MYOC: variants seen among roughly 807,000 people sequenced by gnomAD.
The protein encoded by MYOC is myocilin.
A neutral mutation model predicts 28.2 loss-of-function variants in MYOC; 29 were observed. The observed-to-expected ratio is 1.03, with a 90% CI of 0.77 to 1.40. The LOEUF is 1.40. Among genes scored for constraint, MYOC ranks in the 40% most tolerant of loss-of-function variants. MYOC has a pLI of 0.00. For missense variants in MYOC, 569 were observed against 620.6 expected (o/e 0.92, Z 0.88); for synonymous variants, 240 against 245.6 (o/e 0.98, Z 0.21).
chr1:171,646,236 T>C (rs1653198675), intron 1 of MYOC, among the ~76,000 whole-genome samples: 1 of 152,198 alleles, frequency 6.6e-6, no homozygotes, highest in Non-Finnish European at 1.5e-5. Flanking sequence ...GTCCCAGCTG[T>C]GTGACTTTGG....
chr1:171,643,000 C>A (rs1282124856), intron 1 of MYOC, among the ~76,000 whole-genome samples: 1 of 152,014 alleles, frequency 6.6e-6, no homozygotes, highest in Non-Finnish European at 1.5e-5. Context: ...GCTGCGGAAA[C>A]CAGTTTCTTG....
At chr1:171,647,879 T>A (rs1353506968) in intron 1 of MYOC, among the ~76,000 whole-genome samples, 2 of 151,962 alleles carry the variant, frequency 1.3e-5, no homozygotes, top group Non-Finnish European at 2.9e-5. Context: ...ACTTTCTGCA[T>A]AGAAAGTCTA....
At position 171,636,406 on chromosome 1, in the gene MYOC, A is replaced by G. The variant is rs1335500346; in HGVS notation, c.1034T>C (p.Ile345Thr). ...YFQGAESRTVIRYELNTETVK... is the reference protein window; with the variant it reads ...YFQGAESRTVTRYELNTETVK... ...TGTCTCGGTATTCAGCTCATATCTT[A>G]TGACAGTTCTGGACTCAGCGCCCTG... Residue 345 changes from isoleucine to threonine, a missense_variant, in exon 3 of 3, where the codon ATA (isoleucine) becomes ACA (threonine). Transcript: ENST00000037502. 1.2e-6 allele frequency: 2 copies of G among 1,614,110 alleles called. No individual in the cohort carries two copies. Among genetic ancestry groups the G allele is most frequent in the Non-Finnish European group, 1.7e-6 (2 of 1,180,006 alleles).
chr1:171,651,328 A>C (rs1653344184), intron 1 of MYOC, among the ~76,000 whole-genome samples: 1 of 140,930 alleles, frequency 7.1e-6, no homozygotes, highest in Non-Finnish European at 1.6e-5. Context: ...ACCTCCCCCA[A>C]CACCTCACCC....
intron 1 of MYOC, among the ~76,000 whole-genome samples, chr1:171,640,358 C>T (rs1653049366): frequency 6.6e-6 from 1 of 152,116 alleles, no homozygotes; most frequent in South Asian, 2.1e-4. Context: ...CATGTCTCTA[C>T]TCTTGCTTAG....
At chr1:171,637,860 G>A (rs188712524) in intron 2 of MYOC, among the ~76,000 whole-genome samples, 7 of 152,196 alleles carry the variant, frequency 4.6e-5, no homozygotes, top group South Asian at 4.2e-4. Context: ...TGATCCGCCC[G>A]CCTCAGCCTC....
At chr1:171,638,932 A>G in intron 1 of MYOC, 2 of 453,432 alleles carry the variant, frequency 4.4e-6, no homozygotes, top group Non-Finnish European at 8.0e-6. Context: ...TGTCTTTGCT[A>G]AAAACACAAA....
intron 1 of MYOC, among the ~76,000 whole-genome samples, chr1:171,642,788 G>C (rs767968380): frequency 2.0e-5 from 3 of 149,664 alleles, no homozygotes; most frequent in Non-Finnish European, 3.0e-5. Flanking sequence ...CATCCTTTTA[G>C]TCACATCATT....
At position 171,636,633 on chromosome 1, in the gene MYOC, C is replaced by T. The variant is rs761738409; in HGVS notation, c.807G>A (p.Val269=). Residue 269 remains valine (V), a synonymous_variant, in exon 3 of 3, where the codon GTG becomes GTA. Transcript: ENST00000037502. The stretch of plus-strand genomic sequence containing the variant: ...AGGTGGGCTTGGGGTCTCGCATCCA[C>T]ACACCATACTTGCCAGTAATTGTTT... ...TAETITGKYG[V]WMRDPKPTYP... The T allele has an allele frequency of 9.9e-6, 16 of 1,612,228 alleles. No individual in the cohort carries two copies. The highest frequency in any genetic ancestry group is 1.4e-5 in the Non-Finnish European group (16 of 1,180,034).
rs768209902 is a variant in MYOC, at chr1:171,636,628, A to T, written c.812T>A (p.Met271Lys). The T allele has an allele frequency of 6.2e-7, 1 of 1,612,660 alleles. No individual in the cohort carries two copies. Among genetic ancestry groups the T allele is most frequent in the Non-Finnish European group, 8.5e-7 (1 of 1,180,014 alleles). The change falls in exon 3 of 3, where the codon ATG (methionine) becomes AAG (lysine). Residue 271 changes from methionine (M) to lysine (K), a missense_variant. Coordinates refer to ENST00000037502, the MANE Select transcript of MYOC (RefSeq NM_000261.2). ...ETITGKYGVWMRDPKPTYPYT... is the reference protein window; with the variant it reads ...ETITGKYGVWKRDPKPTYPYT... Reference sequence around the variant, plus strand: ...GGGGTAGGTGGGCTTGGGGTCTCGCATCCACACACCATACTTGCCAGTAAT... The same window carrying T: ...GGGGTAGGTGGGCTTGGGGTCTCGCTTCCACACACCATACTTGCCAGTAAT...
chr1:171,640,820 A>G (rs1370551580), intron 1 of MYOC, among the ~76,000 whole-genome samples: 1 of 152,244 alleles, frequency 6.6e-6, no homozygotes, highest in Admixed American at 6.5e-5. Flanking sequence ...GGCAAGGCCA[A>G]CATCCCAGGA....
intron 1 of MYOC, chr1:171,638,923 G>A (rs1480550576): frequency 2.1e-6 from 1 of 482,304 alleles, no homozygotes; most frequent in Non-Finnish European, 3.8e-6. Flanking sequence ...GTGAAACCCT[G>A]TCTTTGCTAA....
At position 171,652,202 on chromosome 1, in the gene MYOC, T is replaced by A. The variant is rs770397942; in HGVS notation, c.410A>T (p.Glu137Val). 5 of 1,614,132 alleles carry A rather than the reference T, an allele frequency of 3.1e-6. No homozygotes were observed. The South Asian group carries it at 5.5e-5, about 18-fold the overall frequency. The change falls in exon 1 of 3, where the codon GAG (glutamate) becomes GTG (valine). Residue 137 changes from glutamate (E) to valine (V), a missense_variant. Transcript: ENST00000037502. ...ERDQLETQTR[E>V]LETAYSNLLR... is the part of the protein sequence containing the mutation. ...GAGGTTGCTGTAGGCAGTCTCCAAC[T>A]CTCTGGTTTGGGTTTCCAGCTGGTC...
chr1:171,643,283 G>A (rs1010821895), intron 1 of MYOC: 3 of 152,342 alleles, frequency 2.0e-5, no homozygotes, highest in African/African-American at 7.2e-5. Flanking sequence ...TGCCTATGGG[G>A]GAGAGGGACA....
At chr1:171,644,385 C>T (rs765394334) in intron 1 of MYOC, among the ~76,000 whole-genome samples, 9 of 151,470 alleles carry the variant, frequency 5.9e-5, no homozygotes, top group African/African-American at 1.9e-4. Context: ...AACAACTTAC[C>T]GAGAAAAGAT....
Position 171,635,863 on chromosome 1 carries a change from C to G in MYOC, c.*62G>C. ...CTGGCTGGCTGGCTCTCCCTTCAGC[C>G]TGCTCCCCCCAGGAGCCCTGAGCAT... On this transcript the variant is annotated 3_prime_UTR_variant, in exon 3 of 3. Coordinates refer to ENST00000037502, the MANE Select transcript of MYOC (RefSeq NM_000261.2). 1 of 1,585,032 alleles carries G rather than the reference C, an allele frequency of 6.3e-7. No individual in the cohort carries two copies. Among genetic ancestry groups the G allele is most frequent in the Non-Finnish European group, 8.6e-7 (1 of 1,160,550 alleles).
chr1:171,651,994 C>G lies in MYOC; in HGVS notation c.604+14G>C, dbSNP rs546124900. ...ACCTGCTGAACTCAGAGTCCCCCCA[C>G]TCTGCATTCTTACCTTCTCTGGAGC... On this transcript the variant is annotated intron_variant, in intron 1 of 2. Coordinates refer to ENST00000037502, the MANE Select transcript of MYOC (RefSeq NM_000261.2). 1.9e-6 allele frequency: 3 copies of G among 1,614,226 alleles called. No individual in the cohort carries two copies. The highest frequency in any genetic ancestry group is 2.5e-6 in the Non-Finnish European group (3 of 1,180,046).
Position 171,652,656 on chromosome 1 carries a change from G to T in MYOC, c.-45C>A. ...TTCCTCTGGAAAGCTCTGCTGTGCT[G>T]AGAGGTGCCTGGATGGGTGGCCTTG... On this transcript the variant is annotated 5_prime_UTR_variant, in exon 1 of 3. Transcript: ENST00000037502. The T allele has an allele frequency of 6.2e-7, 1 of 1,612,122 alleles. No individual in the cohort carries two copies. Among genetic ancestry groups the T allele is most frequent in the South Asian group, 1.1e-5 (1 of 90,788 alleles).
intron 1 of MYOC, among the ~76,000 whole-genome samples, chr1:171,640,245 G>A (rs921073295): frequency 1.3e-5 from 2 of 151,872 alleles, no homozygotes; most frequent in African/African-American, 4.8e-5. Context: ...GAGAGGGAGT[G>A]TGTGCAGAGT....
Sources: allele counts gnomAD v4.1 joint callset (sites outside exome capture counted in the v4.1 genomes callset), GRCh38; gene constraint gnomAD v4.1.1; transcripts MANE v1.5; gene names NCBI Gene and HGNC (gene_info 2026-07-23, HGNC 2026-07-21).